PDZD2: variants seen among roughly 807,000 people sequenced by gnomAD.
PDZD2 encodes PDZ domain-containing protein 2.
In PDZD2, 90 loss-of-function variants were observed where a neutral mutation model predicts 220.7. The observed-to-expected ratio is 0.41, with a 90% CI of 0.34 to 0.49. PDZD2 has a LOEUF of 0.49. PDZD2 is among the 20% of genes least tolerant of loss of function. The probability of loss-of-function intolerance (pLI) is 0.28; values close to 1 mark genes in which losing one functional copy is unlikely to be tolerated. For missense variants in PDZD2, 3,174 were observed against 3,608.5 expected, an observed-to-expected ratio of 0.88 and a Z score of 3.08; for synonymous variants, 1,375 against 1,450.5, an observed-to-expected ratio of 0.95 and a Z score of 1.18.
chr5:31,821,392 T>A (rs55735116), intron 2 of PDZD2, among the ~76,000 whole-genome samples: 3 of 136,626 alleles, frequency 2.2e-5, no homozygotes, highest in Admixed American at 7.3e-5. Flanking sequence ...TTATTATTTT[T>A]TTTTTTTGAG....
intron 2 of PDZD2, among the ~76,000 whole-genome samples, chr5:31,968,317 C>G (rs1748950071): frequency 6.6e-6 from 1 of 152,122 alleles, no homozygotes; most frequent in South Asian, 2.1e-4. Flanking sequence ...GAGATCGCAC[C>G]ACTGTGCTCC....
intron 7 of PDZD2, among the ~76,000 whole-genome samples, chr5:32,046,768 C>A (rs1413562490): frequency 6.6e-6 from 1 of 152,232 alleles, no homozygotes; most frequent in East Asian, 1.9e-4. Context: ...ATGGGCCAGG[C>A]GCAATGGCTC....
At chr5:32,024,454 G>A (rs1418195294) in intron 6 of PDZD2, among the ~76,000 whole-genome samples, 4 of 152,038 alleles carry the variant, frequency 2.6e-5, no homozygotes, top group Admixed American at 6.6e-5. Context: ...AGGCCAAGGC[G>A]GGCAGATTAC....
intron 1 of PDZD2, among the ~76,000 whole-genome samples, chr5:31,767,583 C>T (rs1320293721): frequency 6.6e-6 from 1 of 152,166 alleles, no homozygotes; most frequent in Non-Finnish European, 1.5e-5. Context: ...GTCATTTCTC[C>T]TTTACAGGAT....
chr5:31,768,457 A>G (rs978408676), intron 1 of PDZD2, among the ~76,000 whole-genome samples: 4 of 152,100 alleles, frequency 2.6e-5, no homozygotes, highest in Non-Finnish European at 4.4e-5. Context: ...CCTGGCCAAC[A>G]TAGTGAAACC....
chr5:32,067,426 C>A (rs911328779), intron 14 of PDZD2, among the ~76,000 whole-genome samples: 11 of 152,136 alleles, frequency 7.2e-5, no homozygotes, highest in African/African-American at 2.7e-4. Flanking sequence ...TTATTCTCTA[C>A]TATGTGGAGG....
chr5:31,802,418 C>T (rs1471022527), intron 2 of PDZD2, among the ~76,000 whole-genome samples: 3 of 152,142 alleles, frequency 2.0e-5, no homozygotes, highest in Non-Finnish European at 2.9e-5. Flanking sequence ...ATGTCCTATT[C>T]GGTGCAACAC....
Position 32,098,550 on chromosome 5 carries a change from A to G in PDZD2, c.8134A>G (p.Arg2712Gly). Residue 2712 changes from arginine (R) to glycine (G), a missense_variant, in exon 23 of 25, where the codon AGG becomes GGG. By Grantham distance (125) the Arg-to-Gly change is moderately radical. This residue lies in a region of PDZD2 where 631 missense variants were observed against 789.9 expected (regional missense o/e 0.80). Transcript: ENST00000438447. The surrounding 1 kb of genome is among the most constrained non-coding windows in gnomAD (Gnocchi z 4.1). Reference protein sequence around the residue: ...VVIKKGMDQPRPSARQEPPTA... With the variant: ...VVIKKGMDQPGPSARQEPPTA... ...CATCAAGAAAGGGATGGATCAGCCC[A>G]GGCCCTCTGCCCGGCAGGAGCCTCC... The G allele has an allele frequency of 1.2e-6, 2 of 1,614,172 alleles. No homozygotes were observed. Among genetic ancestry groups the G allele is most frequent in the Non-Finnish European group, 1.7e-6 (2 of 1,179,994 alleles).
intron 1 of PDZD2, among the ~76,000 whole-genome samples, chr5:31,709,302 C>T (rs115938454): frequency 0.029 from 4,400 of 151,804 alleles, 81 homozygotes; most frequent in Middle Eastern, 0.11. Flanking sequence ...GCTTGGGCAA[C>T]GAAATGAGAC....
Position 32,074,127 on chromosome 5 carries a change from C to T in PDZD2, c.3021C>T (p.Ser1007=), listed in dbSNP as rs1429826268. 5 of 1,614,110 alleles carry T rather than the reference C, an allele frequency of 3.1e-6. No individual in the cohort carries two copies. Among genetic ancestry groups the T allele is most frequent in the Non-Finnish European group, 4.2e-6 (5 of 1,180,050 alleles). The change falls in exon 18 of 25, where the codon TCC becomes TCT. Residue 1007 remains serine (S), a synonymous_variant. Transcript: ENST00000438447. ...ATGACCCGAGGCGTGTCTCAATTTC[C>T]TCTTCCAAGGGCATGGACGTCCACA... ...SEDDPRRVSI[S]SSKGMDVHNQ...
chr5:31,817,047 A>C (rs1755506514), intron 2 of PDZD2, among the ~76,000 whole-genome samples: 1 of 152,116 alleles, frequency 6.6e-6, no homozygotes, highest in Non-Finnish European at 1.5e-5. Flanking sequence ...TTAGCCGGGC[A>C]TGGTGACGGG....
At chr5:32,097,854 G>C (rs542707166) in intron 22 of PDZD2, among the ~76,000 whole-genome samples, 1 of 152,018 alleles carries the variant, frequency 6.6e-6, no homozygotes, top group South Asian at 2.1e-4. Flanking sequence ...CACTAAAAAG[G>C]AGTTAAAAAA....
At chr5:31,678,134 G>A (rs574877966) in intron 1 of PDZD2, among the ~76,000 whole-genome samples, 4 of 152,310 alleles carry the variant, frequency 2.6e-5, no homozygotes, top group African/African-American at 4.8e-5. Context: ...GATGGTCAGC[G>A]AGCATTTCCC....
rs542241580 is a variant in PDZD2, at chr5:31,938,210, C to A, written c.477-44945C>A. ...TACAGGTGTGAGCCACTGCTCCCAG[C>A]ACTCCACCTTGACCTGTTGATTTTT... On this transcript the variant is annotated intron_variant, in intron 2 of 24. Coordinates refer to ENST00000438447, the MANE Select transcript of PDZD2 (RefSeq NM_178140.4). 2.0e-5 allele frequency among the ~76,000 whole-genome samples: 3 copies of A among 152,334 alleles called. No homozygotes were observed. In the South Asian group the frequency reaches 6.2e-4, roughly 32 times the overall value.
intron 2 of PDZD2, among the ~76,000 whole-genome samples, chr5:31,807,170 A>G (rs1421268582): frequency 6.6e-6 from 1 of 152,168 alleles, no homozygotes; most frequent in African/African-American, 2.4e-5. Context: ...CTCTGACCTC[A>G]GGTGATCCAC....
chr5:31,789,347 T>C (rs57087458), intron 1 of PDZD2, among the ~76,000 whole-genome samples: 10,848 of 152,234 alleles, frequency 0.071, 1,292 homozygotes, highest in African/African-American at 0.25. Context: ...TCCTCGAACA[T>C]AGGTGGGTTT....
chr5:32,092,000 G>A (rs1472217795), intron 20 of PDZD2, among the ~76,000 whole-genome samples: 2 of 152,168 alleles, frequency 1.3e-5, no homozygotes, highest in Admixed American at 6.6e-5. Context: ...GAGGCCAGCC[G>A]TGGTGGCTCA....
intron 2 of PDZD2, among the ~76,000 whole-genome samples, chr5:31,949,564 C>T (rs913804690): frequency 6.6e-6 from 1 of 151,972 alleles, no homozygotes; most frequent in African/African-American, 2.4e-5. Flanking sequence ...ATGAAACCAT[C>T]ATATCCTATC....
chr5:31,693,742 G>A (rs1027714702), intron 1 of PDZD2, among the ~76,000 whole-genome samples: 2 of 152,080 alleles, frequency 1.3e-5, no homozygotes, highest in African/African-American at 4.8e-5. Flanking sequence ...CCAGTTCGCT[G>A]GCATATTCCC....
Sources: allele counts gnomAD v4.1 joint callset (sites outside exome capture counted in the v4.1 genomes callset), GRCh38; gene constraint gnomAD v4.1.1; regional missense constraint gnomAD v4.1.1; non-coding constraint Gnocchi (gnomAD v3.1); transcripts MANE v1.5; gene names NCBI Gene and HGNC (gene_info 2026-07-23, HGNC 2026-07-21).